Variants in MYO5B observed in about 807,000 individuals in gnomAD.
The protein encoded by MYO5B is myosin VB, also known as unconventional myosin-Vb.
A neutral mutation model predicts 229.3 loss-of-function variants in MYO5B; 143 were observed. That is an observed-to-expected ratio of 0.62 (90% CI 0.54 to 0.72). The LOEUF is 0.72. Ranked by LOEUF, MYO5B falls within the 30% of genes least tolerant of loss-of-function variation. MYO5B has a pLI of 0.00. For synonymous variants in MYO5B, 918 were observed against 885.2 expected, an observed-to-expected ratio of 1.04 and a Z score of -0.66; for missense variants, 2,321 against 2,331.0, an observed-to-expected ratio of 1.00 and a Z score of 0.09.
At chr18:50,180,641 G>A (rs923609508) in intron 1 of MYO5B, among the ~76,000 whole-genome samples, 6 of 152,150 alleles carry the variant, frequency 3.9e-5, no homozygotes, top group East Asian at 3.9e-4. Context: ...GCAACCACCC[G>A]TCTCCAAAGC....
At chr18:49,957,000 T>C (rs972713225) in intron 12 of MYO5B, among the ~76,000 whole-genome samples, 4 of 152,060 alleles carry the variant, frequency 2.6e-5, no homozygotes, top group Non-Finnish European at 5.9e-5. Context: ...TGGTAATGGA[T>C]GCACAACCTT....
At chr18:50,113,827 T>G (rs1253203602) in intron 1 of MYO5B, among the ~76,000 whole-genome samples, 1 of 152,210 alleles carries the variant, frequency 6.6e-6, no homozygotes, top group Admixed American at 6.5e-5. Context: ...TCCAGGCATC[T>G]CAAATGCTAT....
intron 4 of MYO5B, among the ~76,000 whole-genome samples, chr18:50,008,108 C>T (rs1325478921): frequency 6.6e-6 from 1 of 152,170 alleles, no homozygotes; most frequent in Admixed American, 6.5e-5. Flanking sequence ...ATAAAGCAGC[C>T]TTTAACAAAT....
intron 5 of MYO5B, among the ~76,000 whole-genome samples, chr18:50,000,930 G>A (rs1290626105): frequency 6.6e-6 from 1 of 152,182 alleles, no homozygotes; most frequent in East Asian, 1.9e-4. Flanking sequence ...GTGGAACACT[G>A]ATTTCTGACA....
intron 39 of MYO5B, among the ~76,000 whole-genome samples, chr18:49,833,524 G>C (rs962944693): frequency 6.6e-6 from 1 of 152,198 alleles, no homozygotes; most frequent in Non-Finnish European, 1.5e-5. Flanking sequence ...TACATATTTT[G>C]AGAGAATAGT....
At chr18:50,170,852 A>C (rs1258951610) in intron 1 of MYO5B, among the ~76,000 whole-genome samples, 3 of 128,664 alleles carry the variant, frequency 2.3e-5, no homozygotes, top group African/African-American at 8.8e-5. Flanking sequence ...AAGTAAGAGT[A>C]AACAGGAAAA....
intron 30 of MYO5B, among the ~76,000 whole-genome samples, chr18:49,854,077 A>C (rs2024232638): frequency 6.6e-6 from 1 of 152,246 alleles, no homozygotes; most frequent in Non-Finnish European, 1.5e-5. Context: ...AAACTGAGCT[A>C]ATTATATTAT....
intron 8 of MYO5B, 39 bp from the exon 9 acceptor site, chr18:49,980,592 T>C (rs367704413): frequency 1.5e-5 from 21 of 1,442,374 alleles, no homozygotes; most frequent in African/African-American, 1.3e-4. Context: ...TCAGTATCCA[T>C]GGTCGGACAG....
intron 39 of MYO5B, among the ~76,000 whole-genome samples, chr18:49,830,804 T>A (rs1394262885): frequency 8.0e-6 from 1 of 125,004 alleles, no homozygotes; most frequent in Non-Finnish European, 1.6e-5. Flanking sequence ...CTGCGCTCCA[T>A]GGGTGATAGA....
At chr18:50,038,075 G>C (rs1477727594) in intron 3 of MYO5B, among the ~76,000 whole-genome samples, 13 of 152,198 alleles carry the variant, frequency 8.5e-5, no homozygotes, top group Admixed American at 8.5e-4. Context: ...ATAAAGTTCA[G>C]ATAATCTTTT....
chr18:50,043,493 ATATATAAATATAAATATATTTATAAG>A lies in MYO5B; in HGVS notation c.139-3205_139-3180del, dbSNP rs1365461821. Among the ~76,000 whole-genome samples the A allele has an allele frequency of 5.4e-3, 487 of 89,618 alleles. 4 individuals are homozygous for A. Among genetic ancestry groups the A allele is most frequent in the African/African-American group, 0.019 (447 of 23,408 alleles). 58.8% of individuals were successfully genotyped at this position (89,618 alleles called of 152,430 possible). ...TATTTACATATATAAATATATTTTT[ATATATAAATATAAATATATTTATAAG>A]TATATAAATATATTTTATATATAAA... On this transcript the variant is annotated intron_variant, in intron 2 of 39. Transcript: ENST00000285039.
At chr18:49,863,927 G>C (rs544451304) in intron 28 of MYO5B, among the ~76,000 whole-genome samples, 1 of 152,334 alleles carries the variant, frequency 6.6e-6, no homozygotes, top group East Asian at 1.9e-4. Flanking sequence ...ATTAACTTCA[G>C]AAGAGTCCAG....
intron 17 of MYO5B, among the ~76,000 whole-genome samples, chr18:49,922,016 G>T (rs1050977981): frequency 6.6e-6 from 1 of 152,128 alleles, no homozygotes; most frequent in African/African-American, 2.4e-5. Context: ...GAATCACTTC[G>T]CTGTGTTGAG....
At chr18:50,092,010 C>T (rs2031457986) in intron 1 of MYO5B, among the ~76,000 whole-genome samples, 1 of 152,120 alleles carries the variant, frequency 6.6e-6, no homozygotes, top group African/African-American at 2.4e-5. Context: ...AAATCCTGTG[C>T]CAGTAGACTT....
At chr18:49,922,660 G>C (rs2025087131) in intron 17 of MYO5B, among the ~76,000 whole-genome samples, 1 of 151,874 alleles carries the variant, frequency 6.6e-6, no homozygotes, top group African/African-American at 2.4e-5. Context: ...AGGAGGATAA[G>C]GAAGGCAGCA....
intron 4 of MYO5B, among the ~76,000 whole-genome samples, chr18:50,026,626 G>A (rs2026334176): frequency 6.6e-6 from 1 of 152,130 alleles, no homozygotes; most frequent in Non-Finnish European, 1.5e-5. Flanking sequence ...ACCTATAAAT[G>A]GAATCTTACT....
At chr18:50,177,139 A>G (rs190219234) in intron 1 of MYO5B, among the ~76,000 whole-genome samples, 1 of 143,354 alleles carries the variant, frequency 7.0e-6, no homozygotes, top group East Asian at 2.0e-4. Flanking sequence ...TTTCATGGAA[A>G]CACAGGCCAT....
chr18:50,073,185 T>TA, intron 1 of MYO5B, among the ~76,000 whole-genome samples: 1 of 152,316 alleles, frequency 6.6e-6, no homozygotes, highest in East Asian at 1.9e-4. Context: ...TCTTGGTACC[T>TA]ACTACTGAAG....
intron 4 of MYO5B, among the ~76,000 whole-genome samples, chr18:50,033,780 G>A (rs532859833): frequency 1.3e-5 from 2 of 152,200 alleles, no homozygotes; most frequent in South Asian, 4.1e-4. Flanking sequence ...TTTCTTCACT[G>A]TGAATCTGCA....
Sources: allele counts gnomAD v4.1 joint callset (sites outside exome capture counted in the v4.1 genomes callset), GRCh38; gene constraint gnomAD v4.1.1; transcripts MANE v1.5; gene names NCBI Gene and HGNC (gene_info 2026-07-23, HGNC 2026-07-21).